Variants in CHN2 observed in about 807,000 individuals in gnomAD.
The protein encoded by CHN2 is chimerin 2, also known as beta-chimaerin.
In CHN2, 35 loss-of-function variants were observed where a neutral mutation model predicts 56.3. The ratio of observed to expected loss-of-function variants is 0.62; its 90% CI spans 0.47 to 0.82. The LOEUF (loss-of-function observed/expected upper bound fraction) is 0.82, where lower values mean the gene tolerates loss of function less well. Among genes scored for constraint, CHN2 ranks in the 40% least tolerant of loss-of-function variants. CHN2 has a pLI of 0.00. For missense variants in CHN2, 491 were observed against 580.5 expected (o/e 0.85, Z 1.58); for synonymous variants, 210 against 212.8 (o/e 0.99, Z 0.12).
intron 6 of CHN2, among the ~76,000 whole-genome samples, chr7:29,444,411 G>T (rs849911): frequency 0.13 from 19,267 of 152,094 alleles, 1,438 homozygotes; most frequent in Non-Finnish European, 0.17. Context: ...TTTGTCTGGG[G>T]CATTTCATCT....
At chr7:29,290,587 G>T (rs1792518353) in intron 1 of CHN2, among the ~76,000 whole-genome samples, 1 of 152,188 alleles carries the variant, frequency 6.6e-6, no homozygotes, top group African/African-American at 2.4e-5. Flanking sequence ...TGAGACTTGT[G>T]TGCCACCATG....
chr7:29,485,184 A>C (rs997825750), intron 7 of CHN2, among the ~76,000 whole-genome samples: 3 of 152,214 alleles, frequency 2.0e-5, no homozygotes, highest in African/African-American at 7.2e-5. Context: ...AGTATGTGTT[A>C]TACTTTATAA....
intron 6 of CHN2, among the ~76,000 whole-genome samples, chr7:29,407,059 C>T (rs753688319): frequency 2.6e-4 from 40 of 152,158 alleles, no homozygotes; most frequent in Admixed American, 1.3e-3. Context: ...CGTGCTCCTT[C>T]CTTCACTGGG....
chr7:29,310,126 C>T (rs182390895), intron 1 of CHN2, among the ~76,000 whole-genome samples: 17 of 151,996 alleles, frequency 1.1e-4, no homozygotes, highest in South Asian at 2.1e-4. Flanking sequence ...CATGGTTACA[C>T]GGATAAAATA....
chr7:29,465,582 G>T (rs1037933591), intron 6 of CHN2, among the ~76,000 whole-genome samples: 6 of 152,206 alleles, frequency 3.9e-5, no homozygotes, highest in Admixed American at 3.9e-4. Flanking sequence ...GTGGAAGCAG[G>T]AATGTTAACC....
intron 2 of CHN2, among the ~76,000 whole-genome samples, chr7:29,188,488 G>A (rs1584646330): frequency 6.6e-6 from 1 of 151,908 alleles, no homozygotes; most frequent in South Asian, 2.1e-4. Context: ...CAGATATTGT[G>A]TCTGTTAGCT....
chr7:29,256,814 G>GC (rs987986303), intron 1 of CHN2, among the ~76,000 whole-genome samples: 4 of 151,972 alleles, frequency 2.6e-5, no homozygotes, highest in East Asian at 3.9e-4. Flanking sequence ...GGAACCGATC[G>GC]CCCCCCCACC....
At chr7:29,276,637 C>A (rs1283882951) in intron 1 of CHN2, among the ~76,000 whole-genome samples, 1 of 152,192 alleles carries the variant, frequency 6.6e-6, no homozygotes, top group African/African-American at 2.4e-5. Context: ...GTAAATAAAT[C>A]ACTTGGCACT....
chr7:29,176,721 G>A (rs1225372113), intron 2 of CHN2, among the ~76,000 whole-genome samples: 2 of 152,086 alleles, frequency 1.3e-5, no homozygotes, highest in East Asian at 1.9e-4. Context: ...CTAAATTAAC[G>A]TTGACAGTAT....
At chr7:29,331,266 G>T (rs1390260858) in intron 1 of CHN2, among the ~76,000 whole-genome samples, 3 of 152,222 alleles carry the variant, frequency 2.0e-5, no homozygotes, top group African/African-American at 7.2e-5. Flanking sequence ...GTTGACAGAG[G>T]TGTCGGCAGA....
chr7:29,286,375 T>G (rs1236805264), intron 1 of CHN2, among the ~76,000 whole-genome samples: 1 of 150,046 alleles, frequency 6.7e-6, no homozygotes, highest in African/African-American at 2.5e-5. Flanking sequence ...AGGGTAGGGC[T>G]CCAGTGTAAA....
chr7:29,284,198 C>T (rs1016263419), intron 1 of CHN2, among the ~76,000 whole-genome samples: 33 of 151,968 alleles, frequency 2.2e-4, no homozygotes, highest in Admixed American at 1.0e-3. Flanking sequence ...TGGGTTCAAG[C>T]GATTCTCCTG....
intron 7 of CHN2, among the ~76,000 whole-genome samples, chr7:29,493,824 T>G (rs1788925654): frequency 6.6e-6 from 1 of 152,326 alleles, no homozygotes; most frequent in East Asian, 1.9e-4. Flanking sequence ...TCTATTCCAC[T>G]ATTAACACCC....
intron 6 of CHN2, among the ~76,000 whole-genome samples, chr7:29,426,078 G>A (rs910119523): frequency 7.2e-5 from 11 of 151,878 alleles, no homozygotes; most frequent in Admixed American, 6.6e-5. Context: ...GCATGGTGAG[G>A]CATGCCTGTA....
At chr7:29,495,799 T>A (rs905954966) in intron 7 of CHN2, among the ~76,000 whole-genome samples, 153 bp from the exon 8 acceptor site, 1 of 152,214 alleles carries the variant, frequency 6.6e-6, no homozygotes, top group Non-Finnish European at 1.5e-5. Flanking sequence ...TCAAAGCACA[T>A]CTCTGTTTTC....
chr7:29,198,087 C>T, intron 1 of CHN2: 4 of 455,352 alleles, frequency 8.8e-6, no homozygotes, highest in Non-Finnish European at 1.8e-5. Flanking sequence ...ATTGCTGCTG[C>T]TGATGTAGGA....
chr7:29,159,068 C>T (rs1794820158), intron 2 of CHN2, among the ~76,000 whole-genome samples: 1 of 152,282 alleles, frequency 6.6e-6, no homozygotes, highest in African/African-American at 2.4e-5. Context: ...ATTTTAAAGC[C>T]CATTAAGTCA....
intron 6 of CHN2, chr7:29,401,222 T>G: frequency 5.4e-6 from 1 of 183,576 alleles, no homozygotes; most frequent in African/African-American, 2.4e-5. Flanking sequence ...GAGCCAAGAT[T>G]GTGCCACTGC....
chr7:29,506,170 A>G (rs912215299), intron 10 of CHN2, among the ~76,000 whole-genome samples: 2 of 152,218 alleles, frequency 1.3e-5, no homozygotes, highest in Admixed American at 1.3e-4. Flanking sequence ...ATGGTAAGAA[A>G]TATAGGCCAG....
Sources: allele counts gnomAD v4.1 joint callset (sites outside exome capture counted in the v4.1 genomes callset), GRCh38; gene constraint gnomAD v4.1.1; transcripts MANE v1.5; gene names NCBI Gene and HGNC (gene_info 2026-07-23, HGNC 2026-07-21).